ADCK5: variants seen among roughly 807,000 people sequenced by gnomAD.
The protein encoded by ADCK5 is aarF domain containing kinase 5, also known as uncharacterized aarF domain-containing protein kinase 5.
A neutral mutation model predicts 64.9 loss-of-function variants in ADCK5; 43 were observed. The ratio of observed to expected loss-of-function variants is 0.66; its 90% CI spans 0.52 to 0.85. ADCK5 has a LOEUF of 0.85. Ranked by LOEUF, ADCK5 falls within the 40% of genes least tolerant of loss-of-function variation. ADCK5 has a pLI of 0.00. For synonymous variants in ADCK5, 434 were observed against 342.8 expected, an observed-to-expected ratio of 1.27 and a Z score of -2.94; for missense variants, 760 against 810.5, an observed-to-expected ratio of 0.94 and a Z score of 0.76.
intron 2 of ADCK5, among the ~76,000 whole-genome samples, chr8:144,381,978 A>T (rs1437868944): frequency 1.5e-5 from 2 of 135,460 alleles, no homozygotes; most frequent in Non-Finnish European, 3.1e-5. Context: ...GTAGAATCAG[A>T]TGTGTGCTCA....
rs782295718 is a variant in ADCK5 at position 144,392,710 on chromosome 8, A to C, written c.1520+13A>C. 5 of 1,590,908 alleles carry C rather than the reference A, an allele frequency of 3.1e-6. No homozygotes were observed. Among genetic ancestry groups the C allele is most frequent in the East Asian group, 2.3e-5 (1 of 44,444 alleles). On this transcript the variant is annotated intron_variant, in intron 13 of 14. Transcript: ENST00000308860. ...TTATGGCTAAAAGGTCGGTGGCCCG[A>C]GGAGGCGCCCGGGCCGTGGTGGGGC...
chr8:144,374,828 G>T (rs1819299469), intron 1 of ADCK5, among the ~76,000 whole-genome samples: 1 of 152,100 alleles, frequency 6.6e-6, no homozygotes, highest in Admixed American at 6.6e-5. Context: ...TCAGGCTCTC[G>T]GCGTCTCCCC....
chr8:144,382,125 C>T (rs1161110021), intron 2 of ADCK5, among the ~76,000 whole-genome samples: 92 of 131,382 alleles, frequency 7.0e-4, no homozygotes, highest in Admixed American at 6.7e-3. Flanking sequence ...GATTATGGGC[C>T]GGGTGTAGAA....
At position 144,393,168 on chromosome 8, in the gene ADCK5, CT is replaced by C; in HGVS notation, c.*95del. 1 of 1,367,630 alleles carries C rather than the reference CT, an allele frequency of 7.3e-7. No individual in the cohort carries two copies. Among genetic ancestry groups the C allele is most frequent in the Non-Finnish European group, 9.7e-7 (1 of 1,027,306 alleles). The allele number at this position is 1,367,630 out of a possible 1,614,324, so 84.7% of individuals were successfully genotyped here. ...GTAGACACCCCGAGCCCCGTGGGCA[CT>C]CGCACTGGGGGGCTGTGACAGCAGC... is the stretch of plus-strand genomic sequence containing the variant. On this transcript the variant is annotated 3_prime_UTR_variant, in exon 15 of 15. Coordinates refer to ENST00000308860, the MANE Select transcript of ADCK5 (RefSeq NM_174922.5).
intron 3 of ADCK5, chr8:144,389,221 T>A: frequency 4.4e-6 from 2 of 455,852 alleles, no homozygotes; most frequent in Non-Finnish European, 8.8e-6. Flanking sequence ...ATACCCAGGA[T>A]GTCCCCCACT....
At chr8:144,385,344 C>T (rs560191514) in intron 3 of ADCK5, among the ~76,000 whole-genome samples, 11 of 151,678 alleles carry the variant, frequency 7.3e-5, no homozygotes, top group South Asian at 6.3e-4. Flanking sequence ...GCACCACGCC[C>T]GGCTAGTTTT....
intron 2 of ADCK5, among the ~76,000 whole-genome samples, chr8:144,381,464 C>A (rs868908675): frequency 7.9e-6 from 1 of 126,118 alleles, no homozygotes; most frequent in Non-Finnish European, 1.6e-5. Flanking sequence ...CTGCCGCACT[C>A]AGGATTATGG....
chr8:144,374,448 C>T (rs1408710793), intron 1 of ADCK5, among the ~76,000 whole-genome samples: 4 of 152,176 alleles, frequency 2.6e-5, no homozygotes, highest in Non-Finnish European at 4.4e-5. Flanking sequence ...CCGCCCGCCT[C>T]AGCCTCCCCG....
intron 1 of ADCK5, 89 bp downstream of exon 1, chr8:144,374,196 A>T (rs1586569796): frequency 8.5e-7 from 1 of 1,180,246 alleles, no homozygotes; most frequent in Non-Finnish European, 1.1e-6. Context: ...CCCGCCCTAG[A>T]GACCCTCGGG....
At chr8:144,380,117 C>T (rs1326057109) in intron 2 of ADCK5, among the ~76,000 whole-genome samples, 3 of 152,210 alleles carry the variant, frequency 2.0e-5, no homozygotes, top group Admixed American at 6.5e-5. Context: ...GGTGCTCAGG[C>T]GCCTGCGGCT....
At chr8:144,389,008 C>G (rs782420716) in intron 3 of ADCK5, among the ~76,000 whole-genome samples, 1 of 152,230 alleles carries the variant, frequency 6.6e-6, no homozygotes, top group Non-Finnish European at 1.5e-5. Context: ...GGAGAAGCCA[C>G]TCTGACCTCA....
rs542022535 is a variant in ADCK5 at position 144,383,137 on chromosome 8, C to T, written c.173C>T (p.Ala58Val). ...GTGCTCTCCACCGCGGTAGTGGGGGCGCCCCTGCTCCTCGGAGCCCGCTAT... is the reference window on the plus strand; with the variant it reads ...GTGCTCTCCACCGCGGTAGTGGGGGTGCCCCTGCTCCTCGGAGCCCGCTAT... ...RKVLSTAVVG[A>V]PLLLGARYVM... Residue 58 changes from alanine to valine, a missense_variant, in exon 3 of 15, where the codon GCG (alanine) becomes GTG (valine). This residue lies in a region of ADCK5 where 427 missense variants were observed against 518.4 expected (regional missense o/e 0.82). Coordinates refer to ENST00000308860, the MANE Select transcript of ADCK5 (RefSeq NM_174922.5). The T allele has an allele frequency of 5.2e-5, 82 of 1,587,308 alleles. No individual in the cohort carries two copies. The East Asian group carries it at 5.3e-4, about 10-fold the overall frequency.
chr8:144,383,707 C>T (rs1819782764), intron 3 of ADCK5, among the ~76,000 whole-genome samples: 1 of 152,142 alleles, frequency 6.6e-6, no homozygotes, highest in Non-Finnish European at 1.5e-5. Flanking sequence ...GCCCTTTCTT[C>T]CTCCATTACC....
intron 1 of ADCK5, among the ~76,000 whole-genome samples, chr8:144,374,605 G>A (rs1183897329): frequency 6.6e-6 from 1 of 152,130 alleles, no homozygotes; most frequent in Non-Finnish European, 1.5e-5. Flanking sequence ...CCGCGGGGAA[G>A]CCTCAGGCGC....
Position 144,391,037 on chromosome 8 carries a change from T to A in ADCK5, c.524T>A (p.Leu175His). 1.2e-6 allele frequency: 2 copies of A among 1,612,580 alleles called. No individual in the cohort carries two copies. The highest frequency in any genetic ancestry group is 1.7e-6 in the Non-Finnish European group (2 of 1,179,978). The change falls in exon 5 of 15, where the codon CTC (leucine) becomes CAC (histidine). Residue 175 changes from leucine to histidine, a missense_variant. Physicochemically the swap from Leu to His is moderately conservative, Grantham distance 99 (BLOSUM62 -3). Coordinates refer to ENST00000308860, the MANE Select transcript of ADCK5 (RefSeq NM_174922.5). ...CTGCGCGTGCTAGAGGACAGGGCCC[T>A]CAAGCGGGGCTTCCAGGAGGTGAGT... ...RTLRVLEDRA[L>H]KRGFQEVDEL...
rs782394550 is a variant in ADCK5, at chr8:144,391,065, G to A, written c.543+9G>A. ...AGCGGGGCTTCCAGGAGGTGAGTGT[G>A]CGCTCAGGCCGAGGGAGGTGGGGCC... On this transcript the variant is annotated intron_variant, in intron 5 of 14. Transcript: ENST00000308860. 14 of 1,611,656 alleles carry A rather than the reference G, an allele frequency of 8.7e-6. No individual in the cohort carries two copies. The highest frequency in any genetic ancestry group is 2.2e-5 in the East Asian group (1 of 44,884).
chr8:144,373,580 G>C (rs569642833), upstream of ADCK5, among the ~76,000 whole-genome samples: 1 of 152,332 alleles, frequency 6.6e-6, no homozygotes, highest in African/African-American at 2.4e-5. Flanking sequence ...GCTGCTCCAG[G>C]ACCCCTTTGG....
rs1385968276 is a variant in ADCK5 at position 144,384,604 on chromosome 8, G to A, written c.266+1374G>A. Among the ~76,000 whole-genome samples the A allele has an allele frequency of 3.3e-5, 5 of 152,064 alleles. No individual in the cohort carries two copies. Among genetic ancestry groups the A allele is most frequent in the Admixed American group, 1.3e-4 (2 of 15,254 alleles). ...GCCTCGGGTCCTCTGCCTTTTTCTC[G>A]TGACCCTCCGCTGCAGTGCATGCAA... is the stretch of plus-strand genomic sequence containing the variant. On this transcript the variant is annotated intron_variant, in intron 3 of 14. Coordinates refer to ENST00000308860, the MANE Select transcript of ADCK5 (RefSeq NM_174922.5). The surrounding 1 kb of genome is among the most constrained non-coding windows in gnomAD (Gnocchi z 5.7).
At chr8:144,374,308 C>A (rs1036259841) in intron 1 of ADCK5, among the ~76,000 whole-genome samples, 1 of 152,116 alleles carries the variant, frequency 6.6e-6, no homozygotes, top group East Asian at 1.9e-4. Flanking sequence ...CGGACTCAGG[C>A]GATCCTCCCG....
Sources: allele counts gnomAD v4.1 joint callset (sites outside exome capture counted in the v4.1 genomes callset), GRCh38; gene constraint gnomAD v4.1.1; regional missense constraint gnomAD v4.1.1; non-coding constraint Gnocchi (gnomAD v3.1); transcripts MANE v1.5; gene names NCBI Gene and HGNC (gene_info 2026-07-23, HGNC 2026-07-21).